The following SEPTIN10 variants were observed in gnomAD, a reference collection of about 807,000 sequenced individuals.
The protein encoded by SEPTIN10 is septin-10.
A neutral mutation model predicts 54.8 loss-of-function variants in SEPTIN10; 66 were observed. The ratio of observed to expected loss-of-function variants is 1.21; its 90% CI spans 0.99 to 1.48. The LOEUF is 1.48. Ranked by LOEUF, SEPTIN10 falls within the 40% of genes most tolerant of loss-of-function variation. The probability of loss-of-function intolerance (pLI) is 0.00; values close to 1 mark genes in which losing one functional copy is unlikely to be tolerated. For synonymous variants in SEPTIN10, 161 were observed against 181.0 expected, an observed-to-expected ratio of 0.89 and a Z score of 0.89; for missense variants, 620 against 545.6, an observed-to-expected ratio of 1.14 and a Z score of -1.36.
chr2:109,603,580 T>G (rs562059854), intron 1 of SEPTIN10, among the ~76,000 whole-genome samples: 1 of 152,116 alleles, frequency 6.6e-6, no homozygotes. Context: ...AAGGACAGAA[T>G]AACAGACCCC....
intron 5 of SEPTIN10, 36 bp from the exon 6 acceptor site, chr2:109,568,012 G>C: frequency 6.7e-7 from 1 of 1,490,450 alleles, no homozygotes; most frequent in Non-Finnish European, 9.0e-7. Flanking sequence ...TCTTACTGAG[G>C]ATTTTTTTTT....
intron 2 of SEPTIN10, among the ~76,000 whole-genome samples, chr2:109,589,781 T>C (rs553364670): frequency 6.6e-6 from 1 of 152,048 alleles, no homozygotes; most frequent in South Asian, 2.1e-4. Flanking sequence ...AAAACATATG[T>C]CCACCCAAGA....
intron 8 of SEPTIN10, among the ~76,000 whole-genome samples, chr2:109,562,965 C>T (rs1381086125): frequency 6.6e-6 from 1 of 151,412 alleles, no homozygotes; most frequent in Admixed American, 6.6e-5. Flanking sequence ...GGTTGGAGTG[C>T]AGTGGCACGA....
chr2:109,543,060 G>C lies in SEPTIN10; in HGVS notation c.*1249C>G, dbSNP rs1422081221. The C allele has an allele frequency of 6.6e-6, 1 of 152,582 alleles. No homozygotes were observed. Among genetic ancestry groups the C allele is most frequent in the Non-Finnish European group, 1.5e-5 (1 of 68,014 alleles). The allele number at this position is 152,582 out of a possible 1,614,324, so 9.5% of individuals were successfully genotyped here. ...ATATTCAAGTACAAAAAATGAAAAT[G>C]TATATATCTATGACTGTTAAGAAAT... On this transcript the variant is annotated 3_prime_UTR_variant, in exon 11 of 11. Transcript: ENST00000397712.
intron 1 of SEPTIN10, among the ~76,000 whole-genome samples, chr2:109,604,279 G>A (rs945704054): frequency 1.3e-5 from 2 of 148,740 alleles, no homozygotes; most frequent in Non-Finnish European, 3.0e-5. Flanking sequence ...AGGAGGCAGA[G>A]GTTGCAGTGG....
chr2:109,565,736 T>C, intron 7 of SEPTIN10, 27 bp downstream of exon 7: 1 of 1,567,646 alleles, frequency 6.4e-7, no homozygotes, highest in African/African-American at 1.3e-5. Flanking sequence ...TAGATACATA[T>C]TTCTAGTCAT....
At chr2:109,570,773 T>C (rs898322397) in intron 5 of SEPTIN10, among the ~76,000 whole-genome samples, 18 of 152,114 alleles carry the variant, frequency 1.2e-4, no homozygotes, top group Admixed American at 7.9e-4. Flanking sequence ...CCACCTGCCT[T>C]GGCCTCTGAA....
intron 8 of SEPTIN10, among the ~76,000 whole-genome samples, chr2:109,555,449 C>A (rs867481693): frequency 1.3e-5 from 2 of 152,290 alleles, no homozygotes; most frequent in South Asian, 2.1e-4. Context: ...GTAACTTCTT[C>A]TGTAAAGTCT....
At chr2:109,610,517 C>A (rs930964953) in intron 1 of SEPTIN10, among the ~76,000 whole-genome samples, 1 of 152,154 alleles carries the variant, frequency 6.6e-6, no homozygotes, top group African/African-American at 2.4e-5. Flanking sequence ...GAGTTCAAGA[C>A]CAGCTTGACC....
chr2:109,565,946 A>AT (rs1686914303), intron 6 of SEPTIN10, 87 bp from the exon 7 acceptor site: 3 of 1,177,938 alleles, frequency 2.5e-6, no homozygotes, highest in Non-Finnish European at 3.8e-6. Flanking sequence ...GAAGAGAATA[A>AT]TTAAATAACA....
intron 3 of SEPTIN10, 124 bp downstream of exon 3, chr2:109,585,597 A>G (rs1036529539): frequency 1.2e-5 from 10 of 805,088 alleles, no homozygotes; most frequent in Non-Finnish European, 1.9e-5. Context: ...CTAAACAACT[A>G]AAGAGAATCC....
chr2:109,579,320 T>C lies in SEPTIN10; in HGVS notation c.414-4553A>G, dbSNP rs193112294. 5.9e-5 allele frequency among the ~76,000 whole-genome samples: 9 copies of C among 152,194 alleles called. No homozygotes were observed. The East Asian group carries it at 1.7e-3, about 29-fold the overall frequency. On this transcript the variant is annotated intron_variant, in intron 4 of 10. Coordinates refer to ENST00000397712, the MANE Select transcript of SEPTIN10 (RefSeq NM_144710.5). The stretch of plus-strand genomic sequence containing the variant: ...GAAAACCCCAGGCACTGATTTTTTT[T>C]ATTGGTTAAGTTCCATCAAATATTC...
At chr2:109,588,502 AT>A (rs888671739) in intron 2 of SEPTIN10, among the ~76,000 whole-genome samples, 3 of 151,668 alleles carry the variant, frequency 2.0e-5, no homozygotes, top group African/African-American at 7.3e-5. Flanking sequence ...ATATATACAA[AT>A]TTTTTTTTAA....
intron 2 of SEPTIN10, among the ~76,000 whole-genome samples, chr2:109,591,504 G>A (rs540388334): frequency 2.9e-4 from 44 of 152,298 alleles, no homozygotes; most frequent in African/African-American, 9.9e-4. Context: ...CTGTGAGGAA[G>A]ATGGAATAGA....
chr2:109,602,662 C>CA (rs773409075), intron 1 of SEPTIN10, among the ~76,000 whole-genome samples: 2 of 126,442 alleles, frequency 1.6e-5, no homozygotes, highest in Non-Finnish European at 3.3e-5. Context: ...GCAACAAAAG[C>CA]AAAACTCCAT....
At chr2:109,559,743 G>A (rs1203582836) in intron 8 of SEPTIN10, among the ~76,000 whole-genome samples, 1 of 152,054 alleles carries the variant, frequency 6.6e-6, no homozygotes, top group African/African-American at 2.4e-5. Context: ...CAGGCCTACT[G>A]GACATTCTTT....
chr2:109,548,907 T>C (rs533279599), intron 9 of SEPTIN10, among the ~76,000 whole-genome samples: 2 of 151,518 alleles, frequency 1.3e-5, no homozygotes, highest in Admixed American at 1.3e-4. Context: ...AAATATGGAA[T>C]AGGTTGTCCT....
intron 1 of SEPTIN10, among the ~76,000 whole-genome samples, chr2:109,603,271 G>A (rs1432157784): frequency 2.0e-5 from 3 of 151,054 alleles, no homozygotes; most frequent in African/African-American, 4.9e-5. Flanking sequence ...GTCTCACTGT[G>A]TCACCCAGGC....
intron 9 of SEPTIN10, among the ~76,000 whole-genome samples, chr2:109,549,702 C>T (rs1682359007): frequency 6.6e-6 from 1 of 152,142 alleles, no homozygotes; most frequent in South Asian, 2.1e-4. Flanking sequence ...CAGGAGGATG[C>T]CTGAAACCAC....
Sources: allele counts gnomAD v4.1 joint callset (sites outside exome capture counted in the v4.1 genomes callset), GRCh38; gene constraint gnomAD v4.1.1; transcripts MANE v1.5; gene names NCBI Gene and HGNC (gene_info 2026-07-23, HGNC 2026-07-21).